The following RPH3AL variants were observed in gnomAD, a reference collection of about 807,000 sequenced individuals.
RPH3AL encodes the protein rab effector Noc2.
In RPH3AL, 38 loss-of-function variants were observed where a neutral mutation model predicts 43.1. That is an observed-to-expected ratio of 0.88 (90% CI 0.68 to 1.15). The LOEUF is 1.15. RPH3AL is among the 50% of genes most tolerant of loss of function. RPH3AL has a pLI of 0.00. For missense variants in RPH3AL, 462 were observed against 423.2 expected (o/e 1.09, Z -0.81); for synonymous variants, 189 against 176.3 (o/e 1.07, Z -0.57).
intron 5 of RPH3AL, among the ~76,000 whole-genome samples, chr17:293,539 C>T (rs1442187236): frequency 2.0e-5 from 3 of 152,140 alleles, no homozygotes; most frequent in East Asian, 3.9e-4. Flanking sequence ...CCTGGTTAAC[C>T]TCTGCATCCC....
chr17:273,025 AGACCCCAGCGAGGGCGACGTCAGGG>A (rs1202518251), intron 6 of RPH3AL, among the ~76,000 whole-genome samples: 1 of 105,952 alleles, frequency 9.4e-6, no homozygotes, highest in East Asian at 3.3e-4. Context: ...CATCAGGAAG[AGACCCCAGCGAGGGCGACGTCAGGG>A]AGAGACCCCA....
chr17:246,753 G>T lies in RPH3AL; in HGVS notation c.613+358C>A, dbSNP rs751866575. On this transcript the variant is annotated intron_variant, in intron 7 of 9. Coordinates refer to ENST00000331302, the MANE Select transcript of RPH3AL (RefSeq NM_006987.4). This position sits in a 1 kb window ranked among gnomAD's most constrained non-coding sequence, Gnocchi z 4.8. Reference sequence around the variant, plus strand: ...TGCCAGGAAGAGATGGTGAGGGCCTGCCTGGGAAAGATGTAGGTTTTATAC... The same window carrying T: ...TGCCAGGAAGAGATGGTGAGGGCCTTCCTGGGAAAGATGTAGGTTTTATAC... 2.0e-5 allele frequency among the ~76,000 whole-genome samples: 3 copies of T among 152,198 alleles called. No individual in the cohort carries two copies.
intron 5 of RPH3AL, among the ~76,000 whole-genome samples, chr17:314,372 G>A (rs568263230): frequency 2.7e-5 from 4 of 146,974 alleles, no homozygotes; most frequent in East Asian, 2.0e-4. Context: ...GTCACTGCCC[G>A]AGTCCTGCAA....
chr17:258,353 C>T (rs2042114474), intron 6 of RPH3AL, among the ~76,000 whole-genome samples: 1 of 152,224 alleles, frequency 6.6e-6, no homozygotes, highest in Non-Finnish European at 1.5e-5. Flanking sequence ...TCGTTTGCTG[C>T]AACGTGTCTC....
intron 5 of RPH3AL, among the ~76,000 whole-genome samples, chr17:305,048 G>C (rs2043444551): frequency 8.3e-6 from 1 of 120,202 alleles, no homozygotes; most frequent in African/African-American, 3.7e-5. Context: ...GGGCGAGAGG[G>C]GGACAGGGCG....
At chr17:275,799 G>A (rs1471635157) in intron 6 of RPH3AL, among the ~76,000 whole-genome samples, 5 of 152,118 alleles carry the variant, frequency 3.3e-5, no homozygotes, top group African/African-American at 1.2e-4. Flanking sequence ...TGCCCACCTT[G>A]GCCTCCCAAA....
At chr17:273,800 T>C (rs1041196435) in intron 6 of RPH3AL, among the ~76,000 whole-genome samples, 5 of 152,222 alleles carry the variant, frequency 3.3e-5, no homozygotes, top group Admixed American at 6.5e-5. Context: ...TGCCGGGTTA[T>C]AATCAGGATG....
intron 1 of RPH3AL, among the ~76,000 whole-genome samples, chr17:336,393 G>A (rs1479891087): frequency 1.3e-5 from 2 of 152,186 alleles, no homozygotes; most frequent in South Asian, 2.1e-4. Context: ...AAGCGGGCTC[G>A]AGTGGATTCC....
At chr17:304,983 G>A (rs1567631266) in intron 5 of RPH3AL, among the ~76,000 whole-genome samples, 4 of 34,086 alleles carry the variant, frequency 1.2e-4, no homozygotes, top group Admixed American at 7.9e-4. Flanking sequence ...CAGGGCGGGA[G>A]GGGGACAGGG....
At chr17:267,576 G>A (rs1260770202) in intron 6 of RPH3AL, among the ~76,000 whole-genome samples, 1 of 152,226 alleles carries the variant, frequency 6.6e-6, no homozygotes, top group African/African-American at 2.4e-5. Flanking sequence ...ACCCCAATCG[G>A]CAGGGCTCGA....
At chr17:349,264 A>C (rs1264607496) in intron 1 of RPH3AL, 1 of 152,158 alleles carries the variant, frequency 6.6e-6, no homozygotes, top group Non-Finnish European at 1.5e-5. Context: ...TCGCCTGGGC[A>C]GGTTAGTGAC....
chr17:352,084 A>G (rs887833547), intron 1 of RPH3AL, among the ~76,000 whole-genome samples: 3 of 152,140 alleles, frequency 2.0e-5, no homozygotes, highest in African/African-American at 7.2e-5. Context: ...TTGGCACTTT[A>G]TGTTCTGCTT....
chr17:275,612 A>G (rs967180397), intron 6 of RPH3AL, among the ~76,000 whole-genome samples: 19 of 152,190 alleles, frequency 1.2e-4, no homozygotes, highest in African/African-American at 4.6e-4. Context: ...CATTGGTGCA[A>G]TTACGGTTCA....
Position 240,237 on chromosome 17 carries a change from C to CAAAAAAA in RPH3AL, c.613+6867_613+6873dup, listed in dbSNP as rs56048443. ...GGGCAACAAGAGTGAAACTCCATCT[C>CAAAAAAA]AAAAAAAAAAAAAAAGGTTTTTTTG... On this transcript the variant is annotated intron_variant, in intron 7 of 9. Coordinates refer to ENST00000331302, the MANE Select transcript of RPH3AL (RefSeq NM_006987.4). Among the ~76,000 whole-genome samples the CAAAAAAA allele has an allele frequency of 7.6e-4, 106 of 140,234 alleles. 4 individuals carry two copies. The highest frequency in any genetic ancestry group is 1.8e-3 in the Admixed American group (25 of 13,850). 92.0% of individuals were successfully genotyped at this position (140,234 alleles called of 152,430 possible).
intron 6 of RPH3AL, among the ~76,000 whole-genome samples, chr17:249,686 A>C (rs1171205323): frequency 6.6e-6 from 1 of 152,160 alleles, no homozygotes; most frequent in African/African-American, 2.4e-5. Flanking sequence ...CAAAAAAAAA[A>C]AAAAAAGGTT....
At chr17:316,637 C>G (rs1222747771) in intron 5 of RPH3AL, among the ~76,000 whole-genome samples, 2 of 148,062 alleles carry the variant, frequency 1.4e-5, no homozygotes, top group Non-Finnish European at 1.5e-5. Context: ...TACTCCACCT[C>G]CATTGACCTG....
At chr17:318,370 A>G (rs959709349) in intron 5 of RPH3AL, among the ~76,000 whole-genome samples, 2 of 152,196 alleles carry the variant, frequency 1.3e-5, no homozygotes. Context: ...TGACAGAGCA[A>G]GACTCCGTCT....
rs1272125590 is a variant in RPH3AL at position 212,946 on chromosome 17, T to C, written c.*906A>G. 1 of 151,688 alleles carries C rather than the reference T, an allele frequency of 6.6e-6. No homozygotes were observed. Among genetic ancestry groups the C allele is most frequent in the African/African-American group, 2.4e-5 (1 of 41,290 alleles). The allele number at this position is 151,688 out of a possible 1,614,324, so 9.4% of individuals were successfully genotyped here. A position where few individuals can be genotyped will look rare whatever the true frequency, so the allele number is the denominator to read the frequency against. On this transcript the variant is annotated 3_prime_UTR_variant, in exon 10 of 10. Transcript: ENST00000331302. ...GGCTGAGCAAAAACCAGGCAGGCCA[T>C]GAGGGGATTCAAAGAAACCTAATAG...
chr17:254,468 G>A (rs372946212), intron 6 of RPH3AL, among the ~76,000 whole-genome samples: 14 of 10,064 alleles, frequency 1.4e-3, no homozygotes, highest in South Asian at 4.5e-3. Flanking sequence ...GTCCTTTTCC[G>A]TCCCTAGGAA....
Sources: gnomAD v4.1 joint callset for allele counts (sites outside exome capture counted in the v4.1 genomes callset) on GRCh38, gnomAD v4.1.1 for gene constraint, Gnocchi (gnomAD v3.1) non-coding constraint, MANE v1.5 for transcripts, NCBI Gene and HGNC (gene_info 2026-07-23, HGNC 2026-07-21) for gene names.